PAK5: variants seen among roughly 807,000 people sequenced by gnomAD.
PAK5 encodes the protein serine/threonine-protein kinase PAK 5.
PAK5 carries 16 observed loss-of-function variants against 65.9 expected under a neutral mutation model. That is an observed-to-expected ratio of 0.24 (90% confidence interval 0.16 to 0.37). The LOEUF (loss-of-function observed/expected upper bound fraction) is 0.37, where lower values mean the gene tolerates loss of function less well. PAK5 is among the 10% of genes least tolerant of loss of function. The pLI, the probability that PAK5 is intolerant of heterozygous loss-of-function variation, is 1.00. For synonymous variants in PAK5, 371 were observed against 354.9 expected (o/e 1.05, Z -0.51); for missense variants, 785 against 903.9 (o/e 0.87, Z 1.69).
At chr20:9,764,445 T>C (rs1279089836) in intron 1 of PAK5, among the ~76,000 whole-genome samples, 1 of 152,206 alleles carries the variant, frequency 6.6e-6, no homozygotes, top group Admixed American at 6.5e-5. Context: ...TCCATTTTAA[T>C]GCTACCTTTT....
In PAK5 at chr20:9,549,873, C is replaced by CT. The variant is rs548833200; in HGVS notation, c.1744-5380dup. On this transcript the variant is annotated intron_variant, in intron 7 of 9. Coordinates refer to ENST00000353224, the MANE Select transcript of PAK5 (RefSeq NM_177990.4). ...ACAAGTGGATGACCATACCCTCCCT[C>CT]TTTCCCCTCCAGCTCACTTTTCCCC... Among the ~76,000 whole-genome samples, 577 of 152,332 alleles carry CT rather than the reference C, an allele frequency of 3.8e-3. 2 individuals are homozygous for CT. The highest frequency in any genetic ancestry group is 0.013 in the African/African-American group (558 of 41,564).
At chr20:9,681,245 T>C (rs1159197505) in intron 2 of PAK5, among the ~76,000 whole-genome samples, 1 of 152,144 alleles carries the variant, frequency 6.6e-6, no homozygotes, top group Admixed American at 6.5e-5. Flanking sequence ...TCTCTTTTAT[T>C]AGTATTATTT....
chr20:9,708,947 C>T (rs2048043396), intron 2 of PAK5, among the ~76,000 whole-genome samples: 1 of 152,080 alleles, frequency 6.6e-6, no homozygotes, highest in South Asian at 2.1e-4. Flanking sequence ...TGCTCACATC[C>T]ACACTACCCT....
At chr20:9,599,614 ATTTTC>A (rs1303222183) in intron 3 of PAK5, among the ~76,000 whole-genome samples, 2 of 151,878 alleles carry the variant, frequency 1.3e-5, no homozygotes, top group African/African-American at 4.8e-5. Context: ...GACTATGTTG[ATTTTC>A]TTTTCCTGCA....
intron 1 of PAK5, among the ~76,000 whole-genome samples, chr20:9,764,151 G>A (rs534742006): frequency 4.6e-5 from 7 of 152,060 alleles, no homozygotes; most frequent in Non-Finnish European, 8.8e-5. Flanking sequence ...ACTGCATTTA[G>A]TCATCATTCT....
At chr20:9,802,404 T>C (rs1197204553) in intron 1 of PAK5, among the ~76,000 whole-genome samples, 3 of 152,004 alleles carry the variant, frequency 2.0e-5, no homozygotes, top group Non-Finnish European at 4.4e-5. Context: ...ACGCAGACAT[T>C]TTATAAATAT....
intron 3 of PAK5, among the ~76,000 whole-genome samples, chr20:9,627,798 T>C (rs546197715): frequency 6.6e-6 from 1 of 152,144 alleles, no homozygotes; most frequent in Admixed American, 6.5e-5. Context: ...GGCTAATTTT[T>C]GTAAATTTAG....
At chr20:9,678,281 C>A (rs2047602216) in intron 2 of PAK5, among the ~76,000 whole-genome samples, 1 of 152,108 alleles carries the variant, frequency 6.6e-6, no homozygotes, top group Admixed American at 6.5e-5. Context: ...TAAAGACATA[C>A]CCGAGGCCAG....
At chr20:9,647,114 G>T (rs2047144615) in intron 2 of PAK5, among the ~76,000 whole-genome samples, 1 of 152,086 alleles carries the variant, frequency 6.6e-6, no homozygotes, top group Non-Finnish European at 1.5e-5. Context: ...TTCTATTTTA[G>T]CTGCTTCAAA....
chr20:9,683,850 C>A (rs1201355407), intron 2 of PAK5, among the ~76,000 whole-genome samples: 3 of 152,148 alleles, frequency 2.0e-5, no homozygotes, highest in Admixed American at 6.5e-5. Context: ...TCCCAAAGGG[C>A]TGGGATATGG....
chr20:9,752,155 T>C (rs1334067752), intron 1 of PAK5, among the ~76,000 whole-genome samples: 1 of 152,070 alleles, frequency 6.6e-6, no homozygotes, highest in Non-Finnish European at 1.5e-5. Context: ...GATGTGGTTG[T>C]ATGAAAAGAA....
At chr20:9,569,369 A>G (rs2078300244) in intron 4 of PAK5, among the ~76,000 whole-genome samples, 1 of 152,180 alleles carries the variant, frequency 6.6e-6, no homozygotes, top group Admixed American at 6.5e-5. Context: ...TGAATCTGAG[A>G]GTCATCGGTG....
chr20:9,660,160 T>A (rs1490942350), intron 2 of PAK5, among the ~76,000 whole-genome samples: 2 of 151,956 alleles, frequency 1.3e-5, no homozygotes, highest in African/African-American at 4.8e-5. Context: ...CAGAAGAACC[T>A]GAGGATAATC....
At chr20:9,756,793 T>C (rs2048639397) in intron 1 of PAK5, among the ~76,000 whole-genome samples, 1 of 152,028 alleles carries the variant, frequency 6.6e-6, no homozygotes, top group African/African-American at 2.4e-5. Flanking sequence ...AGGCATGTCC[T>C]CTCTCTACAC....
intron 6 of PAK5, among the ~76,000 whole-genome samples, chr20:9,562,226 T>C (rs970497616): frequency 1.3e-5 from 2 of 152,206 alleles, no homozygotes; most frequent in Admixed American, 1.3e-4. Flanking sequence ...TATTATAATG[T>C]ATTTCTCATC....
intron 1 of PAK5, among the ~76,000 whole-genome samples, chr20:9,795,256 C>T (rs1163059514): frequency 1.3e-5 from 2 of 152,156 alleles, no homozygotes; most frequent in African/African-American, 4.8e-5. Context: ...ATGTGCTACA[C>T]ATATTTTAAT....
At chr20:9,571,419 G>T (rs1415907243) in intron 4 of PAK5, among the ~76,000 whole-genome samples, 1 of 152,212 alleles carries the variant, frequency 6.6e-6, no homozygotes, top group Non-Finnish European at 1.5e-5. Flanking sequence ...GAGGCACAAG[G>T]AGACGAAACT....
intron 1 of PAK5, among the ~76,000 whole-genome samples, chr20:9,736,386 C>T (rs191208843): frequency 1.3e-5 from 2 of 152,208 alleles, no homozygotes; most frequent in African/African-American, 4.8e-5. Flanking sequence ...AATTTCCAAA[C>T]TTAATGAAAA....
chr20:9,729,290 T>C (rs2048309921), intron 1 of PAK5, among the ~76,000 whole-genome samples: 1 of 152,086 alleles, frequency 6.6e-6, no homozygotes, highest in Non-Finnish European at 1.5e-5. Context: ...GATGCTAACA[T>C]TTAAAATACA....
Sources: gnomAD v4.1 joint callset for allele counts (sites outside exome capture counted in the v4.1 genomes callset) on GRCh38, gnomAD v4.1.1 for gene constraint, MANE v1.5 for transcripts, NCBI Gene and HGNC (gene_info 2026-07-23, HGNC 2026-07-21) for gene names.